The following NRG1 variants were observed in gnomAD, a reference collection of about 807,000 sequenced individuals.
The protein encoded by NRG1 is pro-neuregulin-1, membrane-bound isoform.
In NRG1, 18 loss-of-function variants were observed where a neutral mutation model predicts 63.8. That is an observed-to-expected ratio of 0.28 (90% CI 0.19 to 0.42). NRG1 has a LOEUF of 0.42. Among genes scored for constraint, NRG1 ranks in the 10% least tolerant of loss-of-function variants. The probability of loss-of-function intolerance (pLI) is 1.00; values close to 1 mark genes in which losing one functional copy is unlikely to be tolerated. For missense variants in NRG1, 762 were observed against 814.7 expected (o/e 0.94, Z 0.79); for synonymous variants, 302 against 301.3 (o/e 1.00, Z -0.02).
intron 1 of NRG1, among the ~76,000 whole-genome samples, chr8:32,185,125 C>T (rs1442434715): frequency 3.3e-5 from 5 of 152,174 alleles, no homozygotes; most frequent in African/African-American, 1.2e-4. Context: ...TCCACACTCC[C>T]GTGGGTGCTC....
At chr8:32,143,970 T>A (rs1369280806) in intron 1 of NRG1, among the ~76,000 whole-genome samples, 1 of 152,234 alleles carries the variant, frequency 6.6e-6, no homozygotes, top group Non-Finnish European at 1.5e-5. Flanking sequence ...TGTGCATTTA[T>A]GTTTAGCGTC....
intron 1 of NRG1, chr8:32,139,358 G>C (rs1303677307): frequency 5.3e-5 from 8 of 152,164 alleles, no homozygotes; most frequent in Non-Finnish European, 1.2e-4. Context: ...GAATGGAATG[G>C]GAGCGAGAAC....
intron 1 of NRG1, among the ~76,000 whole-genome samples, chr8:32,217,401 G>C (rs780025100): frequency 6.6e-6 from 1 of 151,942 alleles, no homozygotes; most frequent in Non-Finnish European, 1.5e-5. Flanking sequence ...AGCGTCCCCT[G>C]CTCTGCTAGT....
chr8:31,718,154 C>A (rs917215012), intron 1 of NRG1, among the ~76,000 whole-genome samples: 3 of 151,824 alleles, frequency 2.0e-5, no homozygotes, highest in African/African-American at 7.3e-5. Context: ...CTAAAGTGGT[C>A]TAGAAGATAA....
At chr8:32,154,821 G>A (rs749280259) in intron 1 of NRG1, among the ~76,000 whole-genome samples, 1 of 152,302 alleles carries the variant, frequency 6.6e-6, no homozygotes, top group Non-Finnish European at 1.5e-5. Context: ...AAAGGAAGGG[G>A]AGGGGGATTA....
intron 1 of NRG1, among the ~76,000 whole-genome samples, chr8:31,674,108 T>C (rs781037498): frequency 1.3e-5 from 2 of 152,234 alleles, no homozygotes; most frequent in Non-Finnish European, 2.9e-5. Flanking sequence ...ATTCATGTTT[T>C]AGCATGAATC....
intron 1 of NRG1, among the ~76,000 whole-genome samples, chr8:32,426,326 G>A (rs538378886): frequency 1.3e-5 from 2 of 152,286 alleles, no homozygotes; most frequent in South Asian, 2.1e-4. Flanking sequence ...TTGATGGACA[G>A]ATGTGTGCAT....
intron 1 of NRG1, among the ~76,000 whole-genome samples, chr8:31,700,130 T>C (rs1433806263): frequency 6.6e-6 from 1 of 152,134 alleles, no homozygotes; most frequent in African/African-American, 2.4e-5. Context: ...AGAGAACATC[T>C]GATTTGCCTT....
chr8:32,054,452 A>G (rs1822509080), intron 1 of NRG1, among the ~76,000 whole-genome samples: 1 of 152,240 alleles, frequency 6.6e-6, no homozygotes, highest in Non-Finnish European at 1.5e-5. Flanking sequence ...GTCAAGAGAA[A>G]GACAAGTGTG....
Position 31,894,013 on chromosome 8 carries a change from C to CA in NRG1, c.37+254588dup, listed in dbSNP as rs149138387. 4.4e-3 allele frequency among the ~76,000 whole-genome samples: 671 copies of CA among 151,950 alleles called. 6 individuals carry two copies. The highest frequency in any genetic ancestry group is 0.015 in the African/African-American group (641 of 41,466). On this transcript the variant is annotated intron_variant, in intron 1 of 10. Transcript: ENST00000519301. Reference sequence around the variant, plus strand: ...ATTCAGTCATTCAAAAATACATTTCCAAAAAATGTTTAGAGAAAATGCTAA... The same window carrying CA: ...ATTCAGTCATTCAAAAATACATTTCCAAAAAAATGTTTAGAGAAAATGCTAA...
At chr8:31,939,201 T>C (rs978304144) in intron 1 of NRG1, among the ~76,000 whole-genome samples, 6 of 152,054 alleles carry the variant, frequency 3.9e-5, no homozygotes, top group African/African-American at 1.4e-4. Flanking sequence ...ATCTATCAGG[T>C]TAACAGATTT....
At chr8:32,548,207 G>A, upstream of NRG1, 2 of 983,422 alleles carry the variant, frequency 2.0e-6, no homozygotes, top group Non-Finnish European at 2.4e-6. Flanking sequence ...AGAGGGAGGG[G>A]GCGAGGCCAG....
At chr8:32,427,063 G>A (rs934001635) in intron 1 of NRG1, among the ~76,000 whole-genome samples, 15 of 151,802 alleles carry the variant, frequency 9.9e-5, no homozygotes, top group African/African-American at 3.6e-4. Context: ...AACAGCCCGA[G>A]TAGCTGTTCT....
intron 1 of NRG1, among the ~76,000 whole-genome samples, chr8:32,152,113 G>T (rs1837565130): frequency 6.6e-6 from 1 of 152,230 alleles, no homozygotes; most frequent in Non-Finnish European, 1.5e-5. Context: ...TCTTAAGTGT[G>T]CATGTATTGT....
chr8:31,829,108 T>A (rs1206583234), intron 1 of NRG1, among the ~76,000 whole-genome samples: 1 of 152,230 alleles, frequency 6.6e-6, no homozygotes, highest in Non-Finnish European at 1.5e-5. Context: ...ACCTCCTTCA[T>A]GAGACTTCTT....
chr8:31,940,525 C>T (rs183054692), intron 1 of NRG1, among the ~76,000 whole-genome samples: 73 of 151,850 alleles, frequency 4.8e-4, no homozygotes, highest in African/African-American at 1.4e-3. Flanking sequence ...AACTGAAACC[C>T]GGCAGAAGAA....
At chr8:32,709,307 G>A (rs954075143) in intron 5 of NRG1, among the ~76,000 whole-genome samples, 4 of 152,050 alleles carry the variant, frequency 2.6e-5, no homozygotes, top group South Asian at 4.1e-4. Context: ...TCTTATCACC[G>A]AAGTAAATAG....
intron 1 of NRG1, among the ~76,000 whole-genome samples, chr8:31,901,649 G>A (rs984200139): frequency 3.3e-5 from 5 of 152,168 alleles, no homozygotes; most frequent in African/African-American, 1.2e-4. Flanking sequence ...ACTGCACAAC[G>A]AATGAACGTA....
intron 6 of NRG1, among the ~76,000 whole-genome samples, chr8:32,729,385 G>A (rs541817971): frequency 5.3e-5 from 8 of 152,198 alleles, no homozygotes; most frequent in South Asian, 2.1e-4. Flanking sequence ...TTTAAAAGTC[G>A]TTCCTTAAAA....
Sources: gnomAD v4.1 joint callset for allele counts (sites outside exome capture counted in the v4.1 genomes callset) on GRCh38, gnomAD v4.1.1 for gene constraint, MANE v1.5 for transcripts, NCBI Gene and HGNC (gene_info 2026-07-23, HGNC 2026-07-21) for gene names.